Variants in BMAL1 observed in about 807,000 individuals in gnomAD.
The protein encoded by BMAL1 is basic helix-loop-helix ARNT like 1.
chr11:13,316,650 C>A, the BMAL1 span, among the ~76,000 whole-genome samples: 1 of 152,212 alleles, frequency 6.6e-6, no homozygotes, highest in Non-Finnish European at 1.5e-5. Context: ...TTCCCTAGGG[C>A]AACTCACCAG....
At chr11:13,346,156 GCA>G in the BMAL1 span, among the ~76,000 whole-genome samples, 2 of 152,234 alleles carry the variant, frequency 1.3e-5, no homozygotes, top group Non-Finnish European at 1.5e-5. Context: ...ACAGTCATGG[GCA>G]CAGACAGAGG....
chr11:13,379,920 C>G, the BMAL1 span: 1 of 152,212 alleles, frequency 6.6e-6, no homozygotes, highest in African/African-American at 2.4e-5. Context: ...GGATGCTGAA[C>G]AAGCATCCAA....
At chr11:13,338,432 C>T in the BMAL1 span, among the ~76,000 whole-genome samples, 2 of 152,158 alleles carry the variant, frequency 1.3e-5, no homozygotes, top group Admixed American at 6.5e-5. Context: ...CAGTTGTTCA[C>T]GTTTAAACAG....
At chr11:13,358,500 T>G in the BMAL1 span, 3 of 1,613,510 alleles carry the variant, frequency 1.9e-6, no homozygotes, top group Non-Finnish European at 2.5e-6. Flanking sequence ...ATGAATTGGC[T>G]TCTTTGGTAC....
At chr11:13,372,083 C>A in the BMAL1 span, 2 of 1,568,906 alleles carry the variant, frequency 1.3e-6, no homozygotes, top group South Asian at 2.3e-5. Context: ...TCCCTACCTA[C>A]ATCCCATCCC....
At chr11:13,348,130 A>C in the BMAL1 span, among the ~76,000 whole-genome samples, 1 of 152,218 alleles carries the variant, frequency 6.6e-6, no homozygotes, top group Non-Finnish European at 1.5e-5. Flanking sequence ...CTTCTCCAGG[A>C]GGTGTGCCCA....
the BMAL1 span, chr11:13,356,645 G>C: frequency 6.8e-7 from 1 of 1,459,960 alleles, no homozygotes; most frequent in South Asian, 1.2e-5. Flanking sequence ...TGATTGTTTG[G>C]TTTCTGGATA....
the BMAL1 span, among the ~76,000 whole-genome samples, chr11:13,363,795 G>A: frequency 6.6e-6 from 1 of 152,264 alleles, no homozygotes; most frequent in South Asian, 2.1e-4. Flanking sequence ...CCCTGCCACT[G>A]GCTGGCCCCT....
chr11:13,376,774 G>T, the BMAL1 span: 6 of 1,573,978 alleles, frequency 3.8e-6, no homozygotes, highest in South Asian at 4.6e-5. Context: ...GTGGGAAGGT[G>T]CTTGTGGTCA....
the BMAL1 span, among the ~76,000 whole-genome samples, chr11:13,279,465 G>C: frequency 0.96 from 146,515 of 152,282 alleles, 70,521 homozygotes; most frequent in East Asian, 1. Context: ...CCGGATCTGT[G>C]AATTTGGGTT....
At chr11:13,375,169 T>G in the BMAL1 span, among the ~76,000 whole-genome samples, 1 of 152,234 alleles carries the variant, frequency 6.6e-6, no homozygotes, top group South Asian at 2.1e-4. Flanking sequence ...AAGGGCTCAT[T>G]ACATGTTACA....
the BMAL1 span, among the ~76,000 whole-genome samples, chr11:13,322,869 A>G: frequency 7.1e-6 from 1 of 140,116 alleles, no homozygotes; most frequent in African/African-American, 2.7e-5. Context: ...AGCTCACTGC[A>G]ACTTTGAAAT....
At chr11:13,343,423 T>G in the BMAL1 span, among the ~76,000 whole-genome samples, 5 of 152,184 alleles carry the variant, frequency 3.3e-5, no homozygotes, top group Admixed American at 2.6e-4. Flanking sequence ...GCTTGCCCAC[T>G]CAGATGCTCC....
At chr11:13,358,631 A>C in the BMAL1 span, 2 of 1,496,382 alleles carry the variant, frequency 1.3e-6, no homozygotes, top group Admixed American at 4.7e-5. Flanking sequence ...GTCCTTGCCC[A>C]CAAATGTTAC....
chr11:13,329,223 C>G, the BMAL1 span, among the ~76,000 whole-genome samples: 1 of 152,196 alleles, frequency 6.6e-6, no homozygotes, highest in African/African-American at 2.4e-5. Flanking sequence ...GGATGGCCAG[C>G]AGAACCCTCC....
At chr11:13,339,458 T>TACACACAC in the BMAL1 span, among the ~76,000 whole-genome samples, 6 of 147,076 alleles carry the variant, frequency 4.1e-5, no homozygotes, top group African/African-American at 1.5e-4. Flanking sequence ...CACACACACA[T>TACACACAC]GGTATCTTCT....
the BMAL1 span, among the ~76,000 whole-genome samples, chr11:13,296,615 C>T: frequency 1.3e-5 from 2 of 152,136 alleles, no homozygotes; most frequent in African/African-American, 4.8e-5. Flanking sequence ...TCTATATTTC[C>T]CTTGTGAATG....
chr11:13,374,612 A>C, the BMAL1 span, among the ~76,000 whole-genome samples: 1 of 152,114 alleles, frequency 6.6e-6, no homozygotes, highest in Non-Finnish European at 1.5e-5. Context: ...TCTCCACCAG[A>C]TCCTGTTCAT....
the BMAL1 span, among the ~76,000 whole-genome samples, chr11:13,338,067 GT>G: frequency 6.6e-6 from 1 of 152,116 alleles, no homozygotes; most frequent in African/African-American, 2.4e-5. Context: ...CCTGCACTGA[GT>G]ATTTTCTCAG....
Sources: allele counts gnomAD v4.1 joint callset (sites outside exome capture counted in the v4.1 genomes callset), GRCh38; gene constraint gnomAD v4.1.1; transcripts MANE v1.5; gene names NCBI Gene and HGNC (gene_info 2026-07-23, HGNC 2026-07-21).